Variants in ZNG1A observed in about 807,000 individuals in gnomAD.
ZNG1A encodes zinc-regulated GTPase metalloprotein activator 1A.
chr9:168,871 G>A, the ZNG1A span, among the ~76,000 whole-genome samples: 1 of 151,978 alleles, frequency 6.6e-6, no homozygotes, highest in East Asian at 1.9e-4. Flanking sequence ...GCTTAGAAAA[G>A]AAAAGATTCC....
At chr9:146,267 A>G in the ZNG1A span, 3 of 1,285,876 alleles carry the variant, frequency 2.3e-6, no homozygotes, top group Non-Finnish European at 3.3e-6. Context: ...AATTCATAGA[A>G]GTGGGCAAAT....
the ZNG1A span, chr9:148,012 G>A: frequency 1.3e-5 from 2 of 149,462 alleles, no homozygotes; most frequent in African/African-American, 5.1e-5. Context: ...GGGACAGAGT[G>A]AGATTCTGTC....
At chr9:149,961 C>T in the ZNG1A span, among the ~76,000 whole-genome samples, 3 of 148,580 alleles carry the variant, frequency 2.0e-5, no homozygotes, top group Non-Finnish European at 4.5e-5. Flanking sequence ...CTTTTCCTTA[C>T]TCTTAACTAC....
chr9:177,691 A>G, the ZNG1A span: 1 of 1,360,470 alleles, frequency 7.4e-7, no homozygotes, highest in Non-Finnish European at 1.0e-6. Context: ...CCTGAGCTTC[A>G]GATCATTTTC....
chr9:169,543 A>G, the ZNG1A span, among the ~76,000 whole-genome samples: 1 of 143,462 alleles, frequency 7.0e-6, no homozygotes, highest in East Asian at 2.0e-4. Flanking sequence ...ACTGTGGGTA[A>G]AATGCTATCA....
the ZNG1A span, chr9:149,532 T>TCATTC: frequency 6.6e-6 from 1 of 151,778 alleles, no homozygotes; most frequent in Non-Finnish European, 1.5e-5. Context: ...AGTTGAGCAA[T>TCATTC]CATTCCCTCT....
the ZNG1A span, among the ~76,000 whole-genome samples, chr9:173,751 G>A: frequency 0.054 from 8,277 of 151,906 alleles, 288 homozygotes; most frequent in African/African-American, 0.098. Context: ...AACCTCTTAA[G>A]AGACTGCCTT....
chr9:156,634 T>A, the ZNG1A span: 1 of 1,250,552 alleles, frequency 8.0e-7, no homozygotes, highest in Non-Finnish European at 1.1e-6. Flanking sequence ...AATAAAAACT[T>A]CAACATGTTC....
At chr9:158,818 C>T in the ZNG1A span, among the ~76,000 whole-genome samples, 1 of 151,838 alleles carries the variant, frequency 6.6e-6, no homozygotes, top group Middle Eastern at 3.4e-3. Flanking sequence ...TCTTCTATGC[C>T]CATAGGAAAG....
chr9:172,438 AG>A, the ZNG1A span: 19 of 346,654 alleles, frequency 5.5e-5, no homozygotes, highest in East Asian at 9.2e-4. Context: ...TATCTGACCA[AG>A]TATCTTTTTA....
At chr9:154,627 T>C in the ZNG1A span, 9 of 1,034,722 alleles carry the variant, frequency 8.7e-6, no homozygotes, top group African/African-American at 1.6e-5. Flanking sequence ...CTTAAGTTTC[T>C]ACAGGGCAAC....
the ZNG1A span, among the ~76,000 whole-genome samples, chr9:158,925 C>A: frequency 6.6e-6 from 1 of 152,094 alleles, no homozygotes. Context: ...CTTCCCAAGT[C>A]AAACTCTGCA....
At chr9:161,153 G>A in the ZNG1A span, among the ~76,000 whole-genome samples, 1 of 152,140 alleles carries the variant, frequency 6.6e-6, no homozygotes, top group East Asian at 1.9e-4. Flanking sequence ...AAAGATTTGG[G>A]GAAAAAAAGC....
the ZNG1A span, among the ~76,000 whole-genome samples, chr9:126,572 T>C: frequency 2.0e-5 from 3 of 152,192 alleles, no homozygotes; most frequent in Non-Finnish European, 4.4e-5. Flanking sequence ...TCATTTCTTA[T>C]TGAGCTTATT....
At chr9:154,836 A>C in the ZNG1A span, 1 of 1,401,904 alleles carries the variant, frequency 7.1e-7, no homozygotes, top group Non-Finnish European at 9.8e-7. Context: ...ACTTTAAATA[A>C]TATACACGCA....
the ZNG1A span, among the ~76,000 whole-genome samples, chr9:176,901 A>C: frequency 1.3e-5 from 2 of 152,118 alleles, no homozygotes; most frequent in Non-Finnish European, 2.9e-5. Flanking sequence ...TACGTTACAA[A>C]TTTATGCTGG....
chr9:151,781 T>C, the ZNG1A span: 1 of 420,048 alleles, frequency 2.4e-6, no homozygotes, highest in Non-Finnish European at 4.1e-6. Flanking sequence ...AGTCTTTTCT[T>C]CCTCATTAAG....
chr9:171,993 T>C, the ZNG1A span: 111 of 1,597,326 alleles, frequency 6.9e-5, no homozygotes, highest in Non-Finnish European at 9.1e-5. Context: ...ACAAAAGCTT[T>C]AATCCTCATT....
the ZNG1A span, chr9:164,065 A>C: frequency 1.3e-6 from 2 of 1,559,216 alleles, no homozygotes; most frequent in East Asian, 4.5e-5. Context: ...TCATCAAATA[A>C]AAATATTTCT....
Sources: allele counts gnomAD v4.1 joint callset (sites outside exome capture counted in the v4.1 genomes callset), GRCh38; gene constraint gnomAD v4.1.1; transcripts MANE v1.5; gene names NCBI Gene and HGNC (gene_info 2026-07-23, HGNC 2026-07-21).